The following RB1 variants were observed in gnomAD, a reference collection of about 807,000 sequenced individuals.
RB1 encodes the protein retinoblastoma-associated protein.
RB1 carries 18 observed loss-of-function variants against 135.4 expected under a neutral mutation model. The observed-to-expected ratio is 0.13, with a 90% CI of 0.09 to 0.20. RB1 has a LOEUF of 0.20. RB1 is among the 10% of genes least tolerant of loss of function. RB1 has a pLI of 1.00. For missense variants in RB1, 868 were observed against 1,110.0 expected (o/e 0.78, Z 3.10); for synonymous variants, 365 against 373.2 (o/e 0.98, Z 0.25).
chr13:48,335,548 C>T (rs942387453), intron 2 of RB1, among the ~76,000 whole-genome samples: 7 of 151,218 alleles, frequency 4.6e-5, no homozygotes, highest in Admixed American at 4.0e-4. Context: ...AAATGTCCTT[C>T]AATTGACATT....
intron 17 of RB1, among the ~76,000 whole-genome samples, chr13:48,402,369 T>C (rs1329170678): frequency 5.1e-5 from 4 of 78,794 alleles, no homozygotes; most frequent in Admixed American, 1.6e-4. Context: ...AGAAATCCCT[T>C]GTAGAAAACC....
chr13:48,343,687 C>T lies in RB1; in HGVS notation c.380+973C>T, dbSNP rs4151449. Among the ~76,000 whole-genome samples, 288 of 152,146 alleles carry T rather than the reference C, an allele frequency of 1.9e-3. 11 individuals are homozygous for T. The East Asian group carries it at 0.044, about 23-fold the overall frequency. On this transcript the variant is annotated intron_variant, in intron 3 of 26. Transcript: ENST00000267163. Reference sequence around the variant, plus strand: ...TCTCAGGACAGGTATTGCCATATACCTCAAAAAAACTGGAACTGAGAGTAG... The same window carrying T: ...TCTCAGGACAGGTATTGCCATATACTTCAAAAAAACTGGAACTGAGAGTAG...
Position 48,319,232 on chromosome 13 carries a change from G to A in RB1, c.264+11826G>A. 2.5e-6 allele frequency: 2 copies of A among 802,986 alleles called. No homozygotes were observed. The highest frequency in any genetic ancestry group is 3.3e-5 in the South Asian group (2 of 60,896). 49.7% of individuals were successfully genotyped at this position (802,986 alleles called of 1,614,324 possible). A position where few individuals can be genotyped will look rare whatever the true frequency, so the allele number is the denominator to read the frequency against. On this transcript the variant is annotated intron_variant, in intron 2 of 26. Coordinates refer to ENST00000267163, the MANE Select transcript of RB1 (RefSeq NM_000321.3). This position sits in a 1 kb window ranked among gnomAD's most constrained non-coding sequence, Gnocchi z 5.0. ...GCTTCCTCTAGCTGGGTGTTTTCCT[G>A]TGGGTCTCGCGCAAGGCACTTTTTT...
chr13:48,418,616 A>C (rs1948953962), intron 17 of RB1, among the ~76,000 whole-genome samples: 1 of 152,182 alleles, frequency 6.6e-6, no homozygotes, highest in Middle Eastern at 3.4e-3. Context: ...GTCAAGACCC[A>C]TCAGTGTGCT....
chr13:48,372,331 G>A (rs1270545788), intron 11 of RB1, among the ~76,000 whole-genome samples: 1 of 152,160 alleles, frequency 6.6e-6, no homozygotes, highest in Non-Finnish European at 1.5e-5. Flanking sequence ...TATGATTAGT[G>A]GACACAGAAG....
chr13:48,401,546 T>C (rs1948691812), intron 17 of RB1: 1 of 152,210 alleles, frequency 6.6e-6, no homozygotes, highest in Admixed American at 6.5e-5. Flanking sequence ...ATTTCATTTT[T>C]CCAACTATTT....
At chr13:48,321,812 C>T (rs891074020) in intron 2 of RB1, among the ~76,000 whole-genome samples, 8 of 152,048 alleles carry the variant, frequency 5.3e-5, no homozygotes, top group South Asian at 2.1e-4. Flanking sequence ...GCCAAGGTTG[C>T]GCCATTGCAC....
intron 12 of RB1, among the ~76,000 whole-genome samples, chr13:48,375,243 CTTAATTA>C (rs1952808795): frequency 6.6e-6 from 1 of 152,060 alleles, no homozygotes; most frequent in African/African-American, 2.4e-5. Context: ...AGCTTAAAAG[CTTAATTA>C]TGTAGATGAT....
rs1301590789 is a variant in RB1 at position 48,480,417 on chromosome 13, C to T, written c.*346C>T. 6.2e-6 allele frequency: 2 copies of T among 320,322 alleles called. No individual in the cohort carries two copies. Among genetic ancestry groups the T allele is most frequent in the African/African-American group, 4.2e-5 (2 of 47,728 alleles). The allele number at this position is 320,322 out of a possible 1,614,324, so 19.8% of individuals were successfully genotyped here. A position where few individuals can be genotyped will look rare whatever the true frequency, so the allele number is the denominator to read the frequency against. On this transcript the variant is annotated 3_prime_UTR_variant, in exon 27 of 27. Transcript: ENST00000267163. ...ACCCAGGCCTGTCTGACTACTTTGC[C>T]TTCTTTTGTAGCATATAGGTGATGT...
intron 24 of RB1, chr13:48,476,484 A>G (rs1949504577): frequency 7.9e-6 from 4 of 504,444 alleles, no homozygotes. Context: ...AGACAGGAGG[A>G]TTTACAAAGA....
intron 17 of RB1, among the ~76,000 whole-genome samples, chr13:48,435,867 AAAGAT>A (rs1949178094): frequency 1.3e-5 from 2 of 152,208 alleles, no homozygotes; most frequent in African/African-American, 4.8e-5. Flanking sequence ...GGAACAAAGA[AAAGAT>A]GAGACAAATA....
intron 25 of RB1, 138 bp downstream of exon 25, chr13:48,476,981 T>C: frequency 1.8e-6 from 2 of 1,124,068 alleles, no homozygotes; most frequent in East Asian, 2.4e-5. Flanking sequence ...CTCAAAATAA[T>C]AGATATGAGT....
intron 2 of RB1, among the ~76,000 whole-genome samples, chr13:48,331,621 G>T (rs1952337342): frequency 6.6e-6 from 1 of 152,202 alleles, no homozygotes; most frequent in Non-Finnish European, 1.5e-5. Context: ...GTGGAGAAAA[G>T]GGAACTATTG....
intron 6 of RB1, among the ~76,000 whole-genome samples, chr13:48,351,816 G>T (rs140790546): frequency 5.5e-4 from 84 of 152,108 alleles, no homozygotes; most frequent in African/African-American, 1.9e-3. Context: ...TGGGACTACA[G>T]GTGTGCACCA....
At chr13:48,364,845 G>A in intron 8 of RB1, 49 bp from the exon 9 acceptor site, 1 of 1,536,414 alleles carries the variant, frequency 6.5e-7, no homozygotes, top group South Asian at 1.2e-5. Context: ...CAAGAGATTA[G>A]ATTTTGTTTT....
intron 17 of RB1, among the ~76,000 whole-genome samples, chr13:48,398,371 T>G (rs1035113460): frequency 2.0e-5 from 3 of 152,154 alleles, no homozygotes; most frequent in Non-Finnish European, 2.9e-5. Flanking sequence ...TTGACTTCAT[T>G]ATTCAAAACT....
chr13:48,411,663 A>G (rs1192384943), intron 17 of RB1: 7 of 1,610,900 alleles, frequency 4.3e-6, no homozygotes, highest in Non-Finnish European at 5.1e-6. Context: ...TGTTCTCACA[A>G]GAGAATATAA....
At chr13:48,394,249 G>A (rs190791737) in intron 17 of RB1, among the ~76,000 whole-genome samples, 11 of 152,274 alleles carry the variant, frequency 7.2e-5, no homozygotes, top group Middle Eastern at 3.4e-3. Flanking sequence ...CACAGTCTTC[G>A]CAACCCACAG....
At chr13:48,386,120 A>G (rs979196890) in intron 17 of RB1, among the ~76,000 whole-genome samples, 8 of 152,016 alleles carry the variant, frequency 5.3e-5, no homozygotes, top group African/African-American at 1.9e-4. Flanking sequence ...GGCTGAGGCA[A>G]CACAGCGAGA....
Sources: gnomAD v4.1 joint callset for allele counts (sites outside exome capture counted in the v4.1 genomes callset) on GRCh38, gnomAD v4.1.1 for gene constraint, Gnocchi (gnomAD v3.1) non-coding constraint, MANE v1.5 for transcripts, NCBI Gene and HGNC (gene_info 2026-07-23, HGNC 2026-07-21) for gene names.